NLRC5: variants seen among roughly 807,000 people sequenced by gnomAD.
NLRC5 encodes NLR family CARD domain containing 5.
Under a neutral mutation model 206.9 loss-of-function variants are expected in NLRC5, and 114 were observed. That is an observed-to-expected ratio of 0.55 (90% CI 0.47 to 0.64). NLRC5 has a LOEUF of 0.64. Ranked by LOEUF, NLRC5 falls within the 30% of genes least tolerant of loss-of-function variation. NLRC5 has a pLI of 0.00. For missense variants in NLRC5, 2,008 were observed against 2,305.5 expected (o/e 0.87, Z 2.64); for synonymous variants, 952 against 962.8 (o/e 0.99, Z 0.21).
Position 57,030,102 on chromosome 16 carries a change from G to C in NLRC5, c.2417+18G>C. On this transcript the variant is annotated intron_variant, in intron 10 of 48. Transcript: ENST00000688547. ...CAGGCCAGGTGAGCAGAAGGAAAGG[G>C]ATCTTGGCCTTATGGGCCTTGAGAA... is the stretch of plus-strand genomic sequence containing the variant. 1 of 1,606,368 alleles carries C rather than the reference G, an allele frequency of 6.2e-7. No individual in the cohort carries two copies.
intron 10 of NLRC5, among the ~76,000 whole-genome samples, 188 bp from the exon 11 acceptor site, chr16:57,031,216 A>G (rs546556106): frequency 2.0e-5 from 3 of 152,338 alleles, no homozygotes; most frequent in East Asian, 1.9e-4. Flanking sequence ...CATCAAGCAA[A>G]GACATAATCA....
Position 57,041,554 on chromosome 16 carries a change from C to A in NLRC5, c.3009C>A (p.His1003Gln). 6.2e-7 allele frequency: 1 copy of A among 1,614,102 alleles called. No individual in the cohort carries two copies. The change falls in exon 18 of 49, where the codon CAC (histidine) becomes CAA (glutamine). Residue 1003 changes from histidine (H) to glutamine (Q), a missense_variant. His to Gln is a conservative substitution (Grantham distance 24, BLOSUM62 0). Coordinates refer to ENST00000688547, the MANE Select transcript of NLRC5 (RefSeq NM_001384950.1). ...GCAAGGCTCTGGGAGGAAGCTGCCA[C>A]CTCGGTCACCTCCACCTCGAGTGAG... ...QLCKALGGSC[H>Q]LGHLHLDFSG...
intron 1 of NLRC5, among the ~76,000 whole-genome samples, chr16:56,997,095 C>A (rs796739280): frequency 6.6e-5 from 10 of 152,290 alleles, no homozygotes; most frequent in African/African-American, 2.4e-4. Flanking sequence ...TGGTCTCGAA[C>A]TTCCAGGTTC....
At chr16:57,068,195 C>T (rs183768106) in intron 36 of NLRC5, among the ~76,000 whole-genome samples, 365 of 152,104 alleles carry the variant, frequency 2.4e-3, no homozygotes, top group Middle Eastern at 0.02. Context: ...TTTGGGAGGC[C>T]GAGGCAGGTG....
At position 57,059,589 on chromosome 16, in the gene NLRC5, A is replaced by G. The variant is rs1437260030; in HGVS notation, c.3986+57A>G. ...AGAGAGGGGAGAGGAGGCTGACCCT[A>G]TGGCGGCCTCCATGGCCCCCTCTTC... On this transcript the variant is annotated intron_variant, in intron 30 of 48. Coordinates refer to ENST00000688547, the MANE Select transcript of NLRC5 (RefSeq NM_001384950.1). 7.5e-6 allele frequency: 11 copies of G among 1,475,414 alleles called. No homozygotes were observed. The African/African-American group carries it at 9.8e-5, about 13-fold the overall frequency. The allele number at this position is 1,475,414 out of a possible 1,614,324, so 91.4% of individuals were successfully genotyped here.
chr16:57,061,075 C>T (rs1174936681), intron 30 of NLRC5, among the ~76,000 whole-genome samples: 1 of 152,266 alleles, frequency 6.6e-6, no homozygotes, highest in Non-Finnish European at 1.5e-5. Flanking sequence ...GCCCTTCTTT[C>T]TTATCTGCTG....
intron 39 of NLRC5, among the ~76,000 whole-genome samples, chr16:57,074,925 G>T (rs1343051797): frequency 3.3e-5 from 5 of 149,864 alleles, no homozygotes; most frequent in Non-Finnish European, 7.4e-5. Context: ...CAACCCTTGA[G>T]GCACACACAC....
In NLRC5 at chr16:57,047,887, G is replaced by A. The variant is rs973816482; in HGVS notation, c.3422+259G>A. On this transcript the variant is annotated intron_variant, in intron 23 of 48. Coordinates refer to ENST00000688547, the MANE Select transcript of NLRC5 (RefSeq NM_001384950.1). ...CACCTGCACCATCCACTCAACTCAGGGCACCTGGGAGCCCTGTCCACCTCC... is the reference window on the plus strand; with the variant it reads ...CACCTGCACCATCCACTCAACTCAGAGCACCTGGGAGCCCTGTCCACCTCC... The A allele has an allele frequency of 1.9e-5, 10 of 525,708 alleles. No homozygotes were observed. The South Asian group carries it at 2.5e-4, about 13-fold the overall frequency. The allele number at this position is 525,708 out of a possible 1,614,324, so 32.6% of individuals were successfully genotyped here.
intron 32 of NLRC5, chr16:57,062,484 T>C: frequency 8.8e-6 from 2 of 226,646 alleles, no homozygotes; most frequent in South Asian, 1.1e-4. Context: ...TTCTGTTTCA[T>C]GTCAGTGTCT....
At position 57,014,472 on chromosome 16, in the gene NLRC5, C is replaced by G. The variant is rs373061305; in HGVS notation, c.-127-2602C>G. On this transcript the variant is annotated intron_variant, in intron 1 of 48. Transcript: ENST00000688547. ...ATTGCCTTTATTCGTTTCTTTATAT[C>G]TAATTCTAACTTAAGATTAGACTTA... Among the ~76,000 whole-genome samples, 72 of 152,292 alleles carry G rather than the reference C, an allele frequency of 4.7e-4. 1 individual carries two copies. Among genetic ancestry groups the G allele is most frequent in the African/African-American group, 1.7e-3 (71 of 41,556 alleles).
chr16:57,058,333 C>T, intron 28 of NLRC5, 185 bp downstream of exon 28: 2 of 589,792 alleles, frequency 3.4e-6, no homozygotes, highest in Non-Finnish European at 6.1e-6. Flanking sequence ...CTGTCCCTCA[C>T]ACCCACCATG....
intron 13 of NLRC5, among the ~76,000 whole-genome samples, chr16:57,035,475 C>T (rs554512748): frequency 3.5e-4 from 54 of 152,296 alleles, no homozygotes; most frequent in African/African-American, 1.2e-3. Context: ...CCCATCCTTC[C>T]ACTCAATCTC....
At chr16:57,063,825 G>A (rs1418016378) in intron 32 of NLRC5, among the ~76,000 whole-genome samples, 1 of 151,806 alleles carries the variant, frequency 6.6e-6, no homozygotes, top group Non-Finnish European at 1.5e-5. Context: ...TGCAAGCTCC[G>A]CCTCCTGGGT....
At chr16:57,022,003 A>G (rs1161283249) in intron 3 of NLRC5, among the ~76,000 whole-genome samples, 1 of 152,258 alleles carries the variant, frequency 6.6e-6, no homozygotes, top group Non-Finnish European at 1.5e-5. Flanking sequence ...GCCCACATGC[A>G]TAACACATGC....
Position 57,079,602 on chromosome 16 carries a change from C to T in NLRC5, c.5294C>T (p.Thr1765Met), listed in dbSNP as rs936423148. ...GCCAAGCTCCTCACCTCCAGCTTCA[C>T]GAGCTGCCCTGCCCTGGAAGTAATC... ...QTAKLLTSSFTSCPALEVILL... is the reference protein window; with the variant it reads ...QTAKLLTSSFMSCPALEVILL... The change falls in exon 46 of 49, where the codon ACG becomes ATG. Residue 1765 changes from threonine (T) to methionine (M), a missense_variant. Coordinates refer to ENST00000688547, the MANE Select transcript of NLRC5 (RefSeq NM_001384950.1). 1.9e-5 allele frequency: 31 copies of T among 1,613,852 alleles called. No homozygotes were observed. Among genetic ancestry groups the T allele is most frequent in the African/African-American group, 9.3e-5 (7 of 74,870 alleles).
intron 1 of NLRC5, among the ~76,000 whole-genome samples, chr16:57,014,494 C>T (rs1192936214): frequency 6.6e-6 from 1 of 152,178 alleles, no homozygotes; most frequent in Non-Finnish European, 1.5e-5. Flanking sequence ...TAAGATTAGA[C>T]TTAAAAGTAA....
rs2062134894 is a variant in NLRC5 at position 57,033,620 on chromosome 16, G to GA, written c.2497dup (p.Ser833LysfsTer2). 1 of 1,614,032 alleles carries GA rather than the reference G, an allele frequency of 6.2e-7. No individual in the cohort carries two copies. Among genetic ancestry groups the GA allele is most frequent in the Admixed American group, 1.7e-5 (1 of 60,002 alleles). On this transcript the variant is annotated frameshift_variant, in exon 12 of 49. Coordinates refer to ENST00000688547, the MANE Select transcript of NLRC5 (RefSeq NM_001384950.1). LOFTEE classifies it high-confidence loss of function. ...TCTTGCCAGAGCTCCAGACCTGCAG[G>GA]AAAGTGACGGCCAGAGGAAAGGGGC... is the stretch of plus-strand genomic sequence containing the variant.
intron 18 of NLRC5, 67 bp from the exon 19 acceptor site, chr16:57,041,915 G>T: frequency 9.4e-7 from 1 of 1,060,228 alleles, no homozygotes; most frequent in Non-Finnish European, 1.4e-6. Flanking sequence ...TGGAATGCAG[G>T]GACCATGCTG....
At chr16:57,013,981 T>A (rs889128390) in intron 1 of NLRC5, 3 of 410,946 alleles carry the variant, frequency 7.3e-6, no homozygotes, top group African/African-American at 2.1e-5. Flanking sequence ...TTAAGGGAAG[T>A]TCATTCTGAT....
Sources: allele counts gnomAD v4.1 joint callset (sites outside exome capture counted in the v4.1 genomes callset), GRCh38; gene constraint gnomAD v4.1.1; transcripts MANE v1.5; gene names NCBI Gene and HGNC (gene_info 2026-07-23, HGNC 2026-07-21).